The following NGEF variants were observed in gnomAD, a reference collection of about 807,000 sequenced individuals.
NGEF encodes ephexin-1.
NGEF carries 31 observed loss-of-function variants against 80.9 expected under a neutral mutation model. The ratio of observed to expected loss-of-function variants is 0.38; its 90% CI spans 0.29 to 0.52. The LOEUF is 0.52. Ranked by LOEUF, NGEF falls within the 20% of genes least tolerant of loss-of-function variation. NGEF has a pLI of 0.84. For missense variants in NGEF, 709 were observed against 926.2 expected, an observed-to-expected ratio of 0.77 and a Z score of 3.04; for synonymous variants, 371 against 370.2, an observed-to-expected ratio of 1.00 and a Z score of -0.03.
At chr2:232,999,675 G>T (rs1694928762) in intron 1 of NGEF, among the ~76,000 whole-genome samples, 2 of 152,224 alleles carry the variant, frequency 1.3e-5, no homozygotes, top group South Asian at 4.1e-4. Context: ...CCGCCTGTGG[G>T]CAAGTTCTGC....
chr2:232,898,415 C>T (rs1005180652), intron 5 of NGEF, among the ~76,000 whole-genome samples: 1 of 152,214 alleles, frequency 6.6e-6, no homozygotes, highest in Non-Finnish European at 1.5e-5. Flanking sequence ...TGGGCCTTGG[C>T]CTGAATCCCT....
At chr2:232,983,577 C>T (rs946098811) in intron 1 of NGEF, among the ~76,000 whole-genome samples, 4 of 152,108 alleles carry the variant, frequency 2.6e-5, no homozygotes, top group African/African-American at 9.7e-5. Flanking sequence ...GTAAGGATGG[C>T]CCCTGGCTTT....
At position 232,904,063 on chromosome 2, in the gene NGEF, A is replaced by G. The variant is rs145664185; in HGVS notation, c.829-9147T>C. On this transcript the variant is annotated intron_variant, in intron 5 of 14. Transcript: ENST00000264051. ...AGCAAGACCCAGCATCTACCGAAAG[A>G]AAAGACAATTCGCCGCCCTGTGGTT... Among the ~76,000 whole-genome samples, 709 of 152,270 alleles carry G rather than the reference A, an allele frequency of 4.7e-3. 1 individual carries two copies. Among genetic ancestry groups the G allele is most frequent in the Non-Finnish European group, 7.4e-3 (505 of 68,004 alleles).
chr2:233,004,191 G>A (rs530666968), intron 1 of NGEF, among the ~76,000 whole-genome samples: 3 of 152,194 alleles, frequency 2.0e-5, no homozygotes, highest in African/African-American at 7.2e-5. Context: ...GGAGGCTGGA[G>A]AGAGGAACTC....
At chr2:232,980,424 C>T (rs1370448948) in intron 1 of NGEF, among the ~76,000 whole-genome samples, 3 of 152,060 alleles carry the variant, frequency 2.0e-5, no homozygotes, top group African/African-American at 7.2e-5. Flanking sequence ...CAAGTGCAGA[C>T]ATCATCCGGG....
At chr2:232,880,890 A>G (rs1023479315) in intron 14 of NGEF, among the ~76,000 whole-genome samples, 12 of 152,068 alleles carry the variant, frequency 7.9e-5, no homozygotes, top group African/African-American at 2.9e-4. Flanking sequence ...GGCTGGGCCC[A>G]CTGCGAAGGA....
At chr2:233,002,150 C>T (rs940882550) in intron 1 of NGEF, among the ~76,000 whole-genome samples, 1 of 152,142 alleles carries the variant, frequency 6.6e-6, no homozygotes, top group Non-Finnish European at 1.5e-5. Context: ...CTTCCAGCTG[C>T]ATGGGAGTTG....
intron 1 of NGEF, among the ~76,000 whole-genome samples, chr2:233,000,772 A>C (rs6712041): frequency 0.22 from 32,370 of 149,318 alleles, 3,962 homozygotes; most frequent in Non-Finnish European, 0.28. Context: ...AAAAAAAAAA[A>C]AACGAAAAAA....
At chr2:232,982,001 G>T (rs1694439178) in intron 1 of NGEF, among the ~76,000 whole-genome samples, 1 of 152,312 alleles carries the variant, frequency 6.6e-6, no homozygotes, top group Admixed American at 6.5e-5. Context: ...GAGGGAAGTG[G>T]CAGAGCCCAT....
intron 5 of NGEF, among the ~76,000 whole-genome samples, chr2:232,899,988 A>ACACACACACGCT (rs1692247868): frequency 1.2e-5 from 1 of 81,238 alleles, no homozygotes; most frequent in African/African-American, 5.2e-5. Flanking sequence ...TCACTCATTC[A>ACACACACACGCT]CTCACACACG....
At chr2:232,899,856 G>A (rs1444089394) in intron 5 of NGEF, among the ~76,000 whole-genome samples, 4 of 109,336 alleles carry the variant, frequency 3.7e-5, no homozygotes, top group East Asian at 3.1e-4. Flanking sequence ...ACACACACAC[G>A]CTCTCACAGT....
At chr2:232,991,076 A>C (rs1364265626) in intron 1 of NGEF, among the ~76,000 whole-genome samples, 3 of 152,156 alleles carry the variant, frequency 2.0e-5, no homozygotes, top group African/African-American at 7.2e-5. Flanking sequence ...GTATAGAAGA[A>C]AATTTTCTCA....
chr2:232,910,616 C>T (rs914132787), intron 5 of NGEF, among the ~76,000 whole-genome samples: 25 of 152,194 alleles, frequency 1.6e-4, no homozygotes, highest in African/African-American at 4.8e-5. Context: ...CATAAGTGCA[C>T]GTTTAACTTG....
intron 5 of NGEF, among the ~76,000 whole-genome samples, chr2:232,902,913 G>A (rs1435000320): frequency 6.6e-6 from 1 of 152,190 alleles, no homozygotes; most frequent in Non-Finnish European, 1.5e-5. Flanking sequence ...AGAATCACTT[G>A]AACCTGGGAG....
chr2:233,011,467 T>A (rs575003615), intron 1 of NGEF, among the ~76,000 whole-genome samples: 1 of 151,954 alleles, frequency 6.6e-6, no homozygotes, highest in African/African-American at 2.4e-5. Flanking sequence ...GCCAGCAGGC[T>A]TGGGTGGTTA....
chr2:232,958,359 G>A (rs1693875191), intron 3 of NGEF, among the ~76,000 whole-genome samples: 1 of 152,108 alleles, frequency 6.6e-6, no homozygotes, highest in Non-Finnish European at 1.5e-5. Flanking sequence ...CAAGAGCCTT[G>A]GTCTGCACAG....
intron 3 of NGEF, among the ~76,000 whole-genome samples, chr2:232,968,355 C>T (rs571716763): frequency 6.1e-4 from 93 of 151,246 alleles, no homozygotes; most frequent in African/African-American, 2.1e-3. Flanking sequence ...CCCAAAGTGC[C>T]GGGATTACAG....
intron 1 of NGEF, among the ~76,000 whole-genome samples, chr2:232,982,635 A>C (rs1694457156): frequency 6.6e-6 from 1 of 152,114 alleles, no homozygotes; most frequent in African/African-American, 2.4e-5. Flanking sequence ...TGCCTCTGCC[A>C]CCTGCATAGC....
chr2:232,890,834 A>G, intron 8 of NGEF: 1 of 460,284 alleles, frequency 2.2e-6, no homozygotes, highest in South Asian at 1.6e-5. Context: ...TGAGGACAGG[A>G]CCCAATGTCT....
Sources: allele counts gnomAD v4.1 joint callset (sites outside exome capture counted in the v4.1 genomes callset), GRCh38; gene constraint gnomAD v4.1.1; transcripts MANE v1.5; gene names NCBI Gene and HGNC (gene_info 2026-07-23, HGNC 2026-07-21).